Variants in ATXN1 observed in about 807,000 individuals in gnomAD.
The protein encoded by ATXN1 is ataxin 1.
ATXN1 carries 8 observed loss-of-function variants against 56.4 expected under a neutral mutation model. The observed-to-expected ratio is 0.14, with a 90% CI of 0.08 to 0.26. The LOEUF (loss-of-function observed/expected upper bound fraction) is 0.26, where lower values mean the gene tolerates loss of function less well. Among genes scored for constraint, ATXN1 ranks in the 10% least tolerant of loss-of-function variants. The pLI, the probability that ATXN1 is intolerant of heterozygous loss-of-function variation, is 1.00. For missense variants in ATXN1, 987 were observed against 1,106.5 expected, an observed-to-expected ratio of 0.89 and a Z score of 1.53; for synonymous variants, 514 against 494.6, an observed-to-expected ratio of 1.04 and a Z score of -0.52.
At chr6:16,439,658 T>C (rs1265048733) in intron 6 of ATXN1, among the ~76,000 whole-genome samples, 1 of 152,198 alleles carries the variant, frequency 6.6e-6, no homozygotes, top group Non-Finnish European at 1.5e-5. Flanking sequence ...TGTAGTTTTC[T>C]TGTCCCTAAA....
chr6:16,715,494 C>T (rs1312341231), intron 2 of ATXN1, among the ~76,000 whole-genome samples: 1 of 152,196 alleles, frequency 6.6e-6, no homozygotes, highest in Non-Finnish European at 1.5e-5. Context: ...ACTTCAGGCA[C>T]TAGATGTTTA....
At chr6:16,508,234 A>G (rs1761016475) in intron 5 of ATXN1, among the ~76,000 whole-genome samples, 1 of 152,228 alleles carries the variant, frequency 6.6e-6, no homozygotes, top group Non-Finnish European at 1.5e-5. Flanking sequence ...ATGTAGTTCA[A>G]AACGTGAGGA....
Position 16,632,217 on chromosome 6 carries a change from C to T in ATXN1, c.-489+25559G>A, listed in dbSNP as rs185847896. Among the ~76,000 whole-genome samples, 283 of 152,260 alleles carry T rather than the reference C, an allele frequency of 1.9e-3. 1 individual carries two copies. The highest frequency in any genetic ancestry group is 3.1e-3 in the Non-Finnish European group (210 of 68,030). On this transcript the variant is annotated intron_variant, in intron 3 of 7. Transcript: ENST00000436367. ...CCCCTCAGCCACTGGCACCATGTTC[C>T]GCATGTTAGAGGCATCCTTCCTGGG...
intron 6 of ATXN1, among the ~76,000 whole-genome samples, chr6:16,452,536 G>A (rs1759774334): frequency 6.6e-6 from 1 of 152,186 alleles, no homozygotes; most frequent in African/African-American, 2.4e-5. Flanking sequence ...ACTCATTTGT[G>A]AATCAAAACC....
chr6:16,376,443 T>C (rs1762142870), intron 6 of ATXN1, among the ~76,000 whole-genome samples: 1 of 152,224 alleles, frequency 6.6e-6, no homozygotes, highest in Non-Finnish European at 1.5e-5. Context: ...GTTATCAATC[T>C]GTTTAGTCTT....
chr6:16,714,181 CCACACA>C (rs70999343), intron 2 of ATXN1, among the ~76,000 whole-genome samples: 1,385 of 137,582 alleles, frequency 0.01, 14 homozygotes, highest in Middle Eastern at 0.019. Flanking sequence ...AAACCACACA[CCACACA>C]CACACACACA....
chr6:16,332,158 G>A (rs1322228176), intron 6 of ATXN1, among the ~76,000 whole-genome samples: 1 of 152,176 alleles, frequency 6.6e-6, no homozygotes, highest in Non-Finnish European at 1.5e-5. Context: ...ATTTACCAGT[G>A]CAGCACGGAG....
intron 3 of ATXN1, among the ~76,000 whole-genome samples, chr6:16,638,459 A>C (rs2299065): frequency 0.16 from 23,805 of 149,154 alleles, 2,399 homozygotes; most frequent in East Asian, 0.47. Flanking sequence ...AAAAAAAAAA[A>C]AAAAAAAAAC....
At chr6:16,381,079 C>G (rs1056825804) in intron 6 of ATXN1, among the ~76,000 whole-genome samples, 1 of 152,120 alleles carries the variant, frequency 6.6e-6, no homozygotes, top group African/African-American at 2.4e-5. Context: ...ATCATGAGGT[C>G]AGGAGTTCGA....
chr6:16,738,186 G>C (rs1760203402), intron 2 of ATXN1: 1 of 152,200 alleles, frequency 6.6e-6, no homozygotes, highest in Non-Finnish European at 1.5e-5. Flanking sequence ...ATGCCAGAAT[G>C]ATCTGGGAAT....
intron 4 of ATXN1, among the ~76,000 whole-genome samples, chr6:16,559,953 T>C (rs1334451523): frequency 6.6e-6 from 1 of 152,156 alleles, no homozygotes; most frequent in East Asian, 1.9e-4. Flanking sequence ...AAGCTTCCTG[T>C]ACACATGTCT....
rs570852075 is a variant in ATXN1 at position 16,613,219 on chromosome 6, T to C, written c.-488-27312A>G. On this transcript the variant is annotated intron_variant, in intron 3 of 7. Transcript: ENST00000436367. ...AGCGGAGCTTGCAGTGAGCCGAGATTGTGCCACTGCAGTCCGCAGTCCGGC... is the reference window on the plus strand; with the variant it reads ...AGCGGAGCTTGCAGTGAGCCGAGATCGTGCCACTGCAGTCCGCAGTCCGGC... Among the ~76,000 whole-genome samples, 1,270 of 140,778 alleles carry C rather than the reference T, an allele frequency of 9.0e-3. 11 individuals carry two copies. The highest frequency in any genetic ancestry group is 0.016 in the Non-Finnish European group (1,046 of 66,014). The allele number at this position is 140,778 out of a possible 152,430, so 92.4% of individuals were successfully genotyped here.
At chr6:16,417,541 C>T (rs1206092767) in intron 6 of ATXN1, among the ~76,000 whole-genome samples, 11 of 151,860 alleles carry the variant, frequency 7.2e-5, no homozygotes, top group Admixed American at 2.6e-4. Context: ...CAGGTTCAAG[C>T]GATTGTCCTG....
chr6:16,315,871 G>A (rs780736047), intron 7 of ATXN1, among the ~76,000 whole-genome samples: 2 of 152,098 alleles, frequency 1.3e-5, no homozygotes, highest in African/African-American at 4.8e-5. Context: ...ATGTAGAGAT[G>A]GAGCCTTGCT....
intron 6 of ATXN1, among the ~76,000 whole-genome samples, chr6:16,468,251 T>C (rs759735851): frequency 8.5e-5 from 13 of 152,226 alleles, no homozygotes; most frequent in Non-Finnish European, 1.8e-4. Flanking sequence ...AGTGGCACGA[T>C]CTTGGCTCAC....
rs532802970 is a variant in ATXN1 at position 16,537,878 on chromosome 6, G to A, written c.-360-15190C>T. 5.9e-5 allele frequency among the ~76,000 whole-genome samples: 9 copies of A among 152,192 alleles called. No individual in the cohort carries two copies. In the South Asian group the frequency reaches 1.0e-3, roughly 18 times the overall value. On this transcript the variant is annotated intron_variant, in intron 4 of 7. Coordinates refer to ENST00000436367, the MANE Select transcript of ATXN1 (RefSeq NM_001128164.2). ...AGCACTTTGGGAGGCCAAGGTGGGC[G>A]GATCACCTGAGGTCAGGAGTTTGAG...
intron 2 of ATXN1, among the ~76,000 whole-genome samples, chr6:16,717,020 C>T (rs1229261605): frequency 1.3e-5 from 2 of 152,182 alleles, no homozygotes; most frequent in East Asian, 1.9e-4. Flanking sequence ...GCCTAGTTAG[C>T]GGTTTATAGT....
chr6:16,756,479 T>C (rs1257188467), intron 1 of ATXN1, among the ~76,000 whole-genome samples: 1 of 152,228 alleles, frequency 6.6e-6, no homozygotes, highest in African/African-American at 2.4e-5. Context: ...CTACAATGTA[T>C]TGCTTTCAAT....
intron 7 of ATXN1, among the ~76,000 whole-genome samples, chr6:16,317,300 T>C (rs1039467450): frequency 6.6e-6 from 1 of 151,982 alleles, no homozygotes; most frequent in Non-Finnish European, 1.5e-5. Flanking sequence ...GTAAGTAGAA[T>C]AGCCTTTATA....
Sources: gnomAD v4.1 joint callset for allele counts (sites outside exome capture counted in the v4.1 genomes callset) on GRCh38, gnomAD v4.1.1 for gene constraint, MANE v1.5 for transcripts, NCBI Gene and HGNC (gene_info 2026-07-23, HGNC 2026-07-21) for gene names.